The following REV3L variants were observed in gnomAD, a reference collection of about 807,000 sequenced individuals.
REV3L encodes the protein REV3 like, DNA directed polymerase zeta catalytic subunit.
Under a neutral mutation model 299.4 loss-of-function variants are expected in REV3L, and 69 were observed. The ratio of observed to expected loss-of-function variants is 0.23; its 90% CI spans 0.19 to 0.28. The LOEUF (loss-of-function observed/expected upper bound fraction) is 0.28. REV3L is among the 10% of genes least tolerant of loss of function. The pLI is 1.00. For missense variants in REV3L, 3,128 were observed against 3,693.8 expected (o/e 0.85, Z 3.97); for synonymous variants, 1,238 against 1,271.4 (o/e 0.97, Z 0.56).
At chr6:111,427,012 T>C (rs542259804) in intron 1 of REV3L, among the ~76,000 whole-genome samples, 1 of 152,278 alleles carries the variant, frequency 6.6e-6, no homozygotes, top group South Asian at 2.1e-4. Context: ...TTAATTTTTG[T>C]GGTATTTTAA....
intron 1 of REV3L, among the ~76,000 whole-genome samples, chr6:111,469,495 G>A: frequency 6.6e-6 from 1 of 152,150 alleles, no homozygotes; most frequent in East Asian, 1.9e-4. Flanking sequence ...TTGTAGTAAT[G>A]GCCCCCTAAT....
At position 111,363,972 on chromosome 6, in the gene REV3L, A is replaced by G. The variant is rs777399803; in HGVS notation, c.6760T>C (p.Phe2254Leu). The change falls in exon 16 of 32, where the codon TTT (phenylalanine) becomes CTT (leucine). Residue 2254 changes from phenylalanine (F) to leucine (L), a missense_variant. By Grantham distance (22) the Phe-to-Leu change is conservative. Coordinates refer to ENST00000368802, the MANE Select transcript of REV3L (RefSeq NM_001372078.1). Reference protein sequence around the residue: ...RVLLTQAKNQFAAVNTPQKET... With the variant: ...RVLLTQAKNQLAAVNTPQKET... ...TTCTGTGGGGTATTTACTGCTGCAAATTGATTCTATAAAAAAAAACACACA... is the reference window on the plus strand; with the variant it reads ...TTCTGTGGGGTATTTACTGCTGCAAGTTGATTCTATAAAAAAAAACACACA... 1 of 1,605,286 alleles carries G rather than the reference A, an allele frequency of 6.2e-7. No individual in the cohort carries two copies. Among genetic ancestry groups the G allele is most frequent in the South Asian group, 1.1e-5 (1 of 88,216 alleles).
At chr6:111,401,136 A>T (rs1783044120) in intron 4 of REV3L, among the ~76,000 whole-genome samples, 1 of 152,172 alleles carries the variant, frequency 6.6e-6, no homozygotes, top group Non-Finnish European at 1.5e-5. Flanking sequence ...TTTTGCCAAT[A>T]CCATGCTGTC....
chr6:111,374,027 G>C lies in REV3L; in HGVS notation c.4328C>G (p.Ser1443Cys). 2 of 1,614,102 alleles carry C rather than the reference G, an allele frequency of 1.2e-6. No individual in the cohort carries two copies. The highest frequency in any genetic ancestry group is 1.7e-6 in the Non-Finnish European group (2 of 1,179,988). ...TTCCTCTGAAGCTGTATTTCCCGGA[G>C]AACAAGTTTCACTGTGCTTTGACTG... is the stretch of plus-strand genomic sequence containing the variant. ...AEQSKHSETC[S>C]PGNTASEESQ... is the part of the protein sequence containing the mutation. The change falls in exon 13 of 32, where the codon TCT becomes TGT. Residue 1443 changes from serine (S) to cysteine (C), a missense_variant. Ser to Cys is a moderately radical substitution (Grantham distance 112, BLOSUM62 -1). Transcript: ENST00000368802.
intron 3 of REV3L, among the ~76,000 whole-genome samples, chr6:111,409,205 C>T (rs1373851366): frequency 2.0e-5 from 3 of 152,154 alleles, no homozygotes; most frequent in East Asian, 3.8e-4. Flanking sequence ...AATCTAGCCT[C>T]ACACAGATAT....
At chr6:111,302,523 T>C (rs960744313) in intron 31 of REV3L, among the ~76,000 whole-genome samples, 5 of 152,216 alleles carry the variant, frequency 3.3e-5, no homozygotes, top group African/African-American at 1.2e-4. Flanking sequence ...GGACATCTAC[T>C]TTGTAGCACA....
chr6:111,318,797 C>T (rs181605371), intron 26 of REV3L, among the ~76,000 whole-genome samples: 684 of 151,884 alleles, frequency 4.5e-3, no homozygotes, highest in South Asian at 0.014. Context: ...CTCGAACTCC[C>T]GACCTCAGGT....
chr6:111,470,727 C>G (rs1208604759), intron 1 of REV3L, among the ~76,000 whole-genome samples: 1 of 152,124 alleles, frequency 6.6e-6, no homozygotes, highest in Non-Finnish European at 1.5e-5. Flanking sequence ...CGCCTGTAAT[C>G]CCGGCACTTT....
At chr6:111,457,388 T>C (rs1790273951) in intron 1 of REV3L, among the ~76,000 whole-genome samples, 1 of 152,048 alleles carries the variant, frequency 6.6e-6, no homozygotes, top group African/African-American at 2.4e-5. Flanking sequence ...TTAGGGTTAT[T>C]ACATTACATT....
intron 9 of REV3L, among the ~76,000 whole-genome samples, chr6:111,383,793 G>A (rs975868542): frequency 2.6e-5 from 4 of 151,662 alleles, no homozygotes; most frequent in Non-Finnish European, 4.4e-5. Context: ...AAAAGATCCC[G>A]AATAACCAAA....
Position 111,307,513 on chromosome 6 carries a change from A to C in REV3L, c.9100T>G (p.Ser3034Ala), listed in dbSNP as rs527333737. Residue 3034 changes from serine (S) to alanine (A), a missense_variant, in exon 31 of 32, where the codon TCA becomes GCA. Transcript: ENST00000368802. ...SEPEGRKGTI[S>A]QYFTTLHCPV... is the part of the protein sequence containing the mutation. ...CAGTGTAAGGTAGTAAAATATTGTGAAATAGTGCCTTTCCGCCCTTCAGGT... is the reference window on the plus strand; with the variant it reads ...CAGTGTAAGGTAGTAAAATATTGTGCAATAGTGCCTTTCCGCCCTTCAGGT... 2.5e-4 allele frequency: 399 copies of C among 1,614,200 alleles called. 2 individuals carry two copies. The South Asian group carries it at 3.9e-3, about 16-fold the overall frequency.
chr6:111,436,339 C>T (rs1787549121), intron 1 of REV3L, among the ~76,000 whole-genome samples: 1 of 152,068 alleles, frequency 6.6e-6, no homozygotes, highest in African/African-American at 2.4e-5. Context: ...TTTATTGAAG[C>T]ACTATATTCA....
chr6:111,331,652 C>A (rs753321831), intron 24 of REV3L, 24 bp downstream of exon 24: 1 of 1,507,256 alleles, frequency 6.6e-7, no homozygotes, highest in Non-Finnish European at 9.2e-7. Context: ...TAGTTGTTAT[C>A]TTTCATTTAC....
intron 1 of REV3L, among the ~76,000 whole-genome samples, chr6:111,432,715 T>C (rs1037997969): frequency 7.9e-5 from 12 of 152,206 alleles, no homozygotes; most frequent in African/African-American, 2.4e-5. Context: ...TCAACATTTA[T>C]GGAACATTTT....
chr6:111,374,421 G>A lies in REV3L; in HGVS notation c.3934C>T (p.Pro1312Ser), dbSNP rs545786938. The A allele has an allele frequency of 6.2e-7, 1 of 1,613,856 alleles. No homozygotes were observed. Among genetic ancestry groups the A allele is most frequent in the African/African-American group, 1.3e-5 (1 of 74,992 alleles). The change falls in exon 13 of 32, where the codon CCC becomes TCC. Residue 1312 changes from proline (P) to serine (S), a missense_variant. By Grantham distance (74) the Pro-to-Ser change is moderately conservative. Transcript: ENST00000368802. The stretch of plus-strand genomic sequence containing the variant: ...GGATGCAAATCATCTCGTGAACTGG[G>A]GAATGTCTGCAAATCTACAGACTTC... ...SKKSVDLQTFPSSRDDLHPSV... is the reference protein window; with the variant it reads ...SKKSVDLQTFSSSRDDLHPSV...
chr6:111,358,753 A>T (rs1474004562), intron 17 of REV3L, 69 bp downstream of exon 17: 1 of 1,228,916 alleles, frequency 8.1e-7, no homozygotes, highest in Non-Finnish European at 1.1e-6. Context: ...GATCTTCAGC[A>T]CAGGAATTCC....
intron 25 of REV3L, among the ~76,000 whole-genome samples, chr6:111,323,473 T>TGATACATTTTA (rs1349502451): frequency 6.6e-6 from 1 of 152,184 alleles, no homozygotes; most frequent in African/African-American, 2.4e-5. Flanking sequence ...GAAAAATGTA[T>TGATACATTTTA]CTAATTATAT....
chr6:111,456,529 C>T (rs1790179821), intron 1 of REV3L, among the ~76,000 whole-genome samples: 1 of 152,098 alleles, frequency 6.6e-6, no homozygotes, highest in African/African-American at 2.4e-5. Flanking sequence ...TCAAAATCTG[C>T]CAGCTACTGA....
rs146247736 is a variant in REV3L, at chr6:111,330,807, C to T, written c.8034+869G>A. ...TAAAAAAAAATCTGTTTCCATTTCTCCAAGTAGATCTCATCTACATCAGTC... is the reference window on the plus strand; with the variant it reads ...TAAAAAAAAATCTGTTTCCATTTCTTCAAGTAGATCTCATCTACATCAGTC... On this transcript the variant is annotated intron_variant, in intron 24 of 31. Transcript: ENST00000368802. The T allele has an allele frequency of 2.0e-3, 344 of 169,506 alleles. 1 individual carries two copies. The highest frequency in any genetic ancestry group is 8.8e-3 in the South Asian group (45 of 5,138). 10.5% of individuals were successfully genotyped at this position (169,506 alleles called of 1,614,324 possible). A position where few individuals can be genotyped will look rare whatever the true frequency, so the allele number is the denominator to read the frequency against.
Sources: allele counts gnomAD v4.1 joint callset (sites outside exome capture counted in the v4.1 genomes callset), GRCh38; gene constraint gnomAD v4.1.1; transcripts MANE v1.5; gene names NCBI Gene and HGNC (gene_info 2026-07-23, HGNC 2026-07-21).